The following TCF12 variants were observed in gnomAD, a reference collection of about 807,000 sequenced individuals.
TCF12 encodes transcription factor 12, also known as DNA-binding protein HTF4.
In TCF12, 45 loss-of-function variants were observed where a neutral mutation model predicts 86.0. That is an observed-to-expected ratio of 0.52 (90% CI 0.41 to 0.67). TCF12 has a LOEUF of 0.67. TCF12 is among the 30% of genes least tolerant of loss of function. The pLI is 0.00. For synonymous variants in TCF12, 330 were observed against 299.6 expected (o/e 1.10, Z -1.05); for missense variants, 881 against 859.9 (o/e 1.02, Z -0.31).
At chr15:57,044,035 A>G (rs1223339879) in intron 3 of TCF12, among the ~76,000 whole-genome samples, 1 of 152,194 alleles carries the variant, frequency 6.6e-6, no homozygotes, top group Non-Finnish European at 1.5e-5. Flanking sequence ...AAAAAGTAGT[A>G]CAGTTTTTAC....
At chr15:56,977,227 G>T (rs565473226) in intron 3 of TCF12, among the ~76,000 whole-genome samples, 30 of 152,072 alleles carry the variant, frequency 2.0e-4, no homozygotes, top group Non-Finnish European at 3.7e-4. Flanking sequence ...AAATTTTTTT[G>T]TTTGTTTGTT....
At chr15:57,031,308 G>A (rs565085179) in intron 3 of TCF12, among the ~76,000 whole-genome samples, 1 of 152,310 alleles carries the variant, frequency 6.6e-6, no homozygotes, top group South Asian at 2.1e-4. Flanking sequence ...TTTGGTTGAA[G>A]TGTTTATCAG....
At chr15:56,947,810 G>C (rs1414243484) in intron 3 of TCF12, among the ~76,000 whole-genome samples, 1 of 152,176 alleles carries the variant, frequency 6.6e-6, no homozygotes, top group Non-Finnish European at 1.5e-5. Context: ...AGCCATGACA[G>C]CCACATATAT....
rs530903763 is a variant in TCF12 at position 57,172,036 on chromosome 15, G to T, written c.390+5570G>T. Reference sequence around the variant, plus strand: ...ATATTATACCCTTGAAAAAATGACAGCTTTAAAAACTGTACCTTACTTAAC... The same window carrying T: ...ATATTATACCCTTGAAAAAATGACATCTTTAAAAACTGTACCTTACTTAAC... On this transcript the variant is annotated intron_variant, in intron 6 of 20. Transcript: ENST00000333725. 7.2e-5 allele frequency among the ~76,000 whole-genome samples: 11 copies of T among 152,194 alleles called. No homozygotes were observed. In the East Asian group the frequency reaches 1.7e-3, roughly 24 times the overall value.
At chr15:57,252,391 T>C in intron 14 of TCF12, 30 bp from the exon 15 acceptor site, 1 of 1,592,702 alleles carries the variant, frequency 6.3e-7, no homozygotes, top group Non-Finnish European at 8.6e-7. Flanking sequence ...AACCTGTGCT[T>C]TGCCTCCTGT....
chr15:57,238,250 G>A (rs1308797674), intron 12 of TCF12, among the ~76,000 whole-genome samples: 3 of 151,994 alleles, frequency 2.0e-5, no homozygotes, highest in Non-Finnish European at 4.4e-5. Context: ...TAGCATTGGG[G>A]CATTTCACCA....
At chr15:57,012,624 G>C (rs1028760629) in intron 3 of TCF12, among the ~76,000 whole-genome samples, 3 of 152,216 alleles carry the variant, frequency 2.0e-5, no homozygotes, top group Non-Finnish European at 4.4e-5. Context: ...GGATTGGACA[G>C]AGGGAAAAGT....
At chr15:56,929,279 A>G (rs2060144615) in intron 3 of TCF12, among the ~76,000 whole-genome samples, 1 of 152,112 alleles carries the variant, frequency 6.6e-6, no homozygotes, top group Admixed American at 6.6e-5. Flanking sequence ...GCTCCTATAG[A>G]AGCCTGTAAA....
chr15:57,092,947 A>C (rs1387133919), intron 5 of TCF12, among the ~76,000 whole-genome samples: 1 of 152,218 alleles, frequency 6.6e-6, no homozygotes, highest in Non-Finnish European at 1.5e-5. Context: ...TGCTTTGCAC[A>C]GTCTTTGTTT....
intron 3 of TCF12, among the ~76,000 whole-genome samples, chr15:57,039,300 T>C (rs558796430): frequency 6.6e-5 from 10 of 152,192 alleles, no homozygotes; most frequent in Non-Finnish European, 1.5e-4. Context: ...TTGTTTTTTC[T>C]TACATATCTG....
At chr15:57,271,960 T>C (rs1411045120) in intron 18 of TCF12, among the ~76,000 whole-genome samples, 1 of 152,232 alleles carries the variant, frequency 6.6e-6, no homozygotes, top group East Asian at 1.9e-4. Context: ...CCCTTGGTAG[T>C]GAGTCCCTTT....
chr15:57,002,022 G>A (rs1186302459), intron 3 of TCF12, among the ~76,000 whole-genome samples: 1 of 152,164 alleles, frequency 6.6e-6, no homozygotes, highest in African/African-American at 2.4e-5. Context: ...GAGATTATAG[G>A]TATTTTGAAG....
chr15:57,195,078 T>C (rs530009729), intron 7 of TCF12, among the ~76,000 whole-genome samples: 52 of 152,216 alleles, frequency 3.4e-4, no homozygotes, highest in African/African-American at 1.2e-3. Flanking sequence ...AATTTTTGTA[T>C]TTTTAGTAGA....
intron 3 of TCF12, among the ~76,000 whole-genome samples, chr15:57,059,628 A>G (rs1428232078): frequency 6.6e-6 from 1 of 151,446 alleles, no homozygotes; most frequent in Non-Finnish European, 1.5e-5. Context: ...CTTCCCTTTT[A>G]CTTTCAGGCA....
chr15:57,190,398 A>G (rs2056916813), intron 6 of TCF12, among the ~76,000 whole-genome samples: 1 of 152,116 alleles, frequency 6.6e-6, no homozygotes, highest in African/African-American at 2.4e-5. Flanking sequence ...TTTATTTCTC[A>G]GTTCCTTTGT....
chr15:56,934,820 A>G (rs2060397079), intron 3 of TCF12, among the ~76,000 whole-genome samples: 1 of 152,130 alleles, frequency 6.6e-6, no homozygotes, highest in South Asian at 2.1e-4. Flanking sequence ...AGGTCAGTGT[A>G]CTTGTGGCCT....
chr15:56,976,292 G>A (rs1642935), intron 3 of TCF12, among the ~76,000 whole-genome samples: 29,715 of 138,094 alleles, frequency 0.22, 3,212 homozygotes, highest in Middle Eastern at 0.25. Flanking sequence ...GTGCCGTGGT[G>A]CAATTTCGGC....
chr15:57,211,979 C>CCA (rs58113866), intron 8 of TCF12, among the ~76,000 whole-genome samples: 1,684 of 83,796 alleles, frequency 0.02, 15 homozygotes, highest in Non-Finnish European at 0.037. Context: ...CACACACACA[C>CCA]CACACACACA....
chr15:57,178,395 GT>G (rs148667641), intron 6 of TCF12, among the ~76,000 whole-genome samples: 1 of 152,062 alleles, frequency 6.6e-6, no homozygotes, highest in Non-Finnish European at 1.5e-5. Context: ...GCTATATTGG[GT>G]TTTTTTACTC....
Sources: allele counts gnomAD v4.1 joint callset (sites outside exome capture counted in the v4.1 genomes callset), GRCh38; gene constraint gnomAD v4.1.1; transcripts MANE v1.5; gene names NCBI Gene and HGNC (gene_info 2026-07-23, HGNC 2026-07-21).